Variants in MCTP1 observed in about 807,000 individuals in gnomAD.
MCTP1 encodes the protein multiple C2 and transmembrane domain containing 1, also known as multiple C2 and transmembrane domain-containing protein 1.
In MCTP1, 69 loss-of-function variants were observed where a neutral mutation model predicts 120.6. That is an observed-to-expected ratio of 0.57 (90% CI 0.47 to 0.70). MCTP1 has a LOEUF of 0.70. MCTP1 is among the 30% of genes least tolerant of loss of function. The pLI, the probability that MCTP1 is intolerant of heterozygous loss-of-function variation, is 0.00. For missense variants in MCTP1, 1,203 were observed against 1,248.8 expected, an observed-to-expected ratio of 0.96 and a Z score of 0.55; for synonymous variants, 529 against 493.1, an observed-to-expected ratio of 1.07 and a Z score of -0.96.
intron 2 of MCTP1, among the ~76,000 whole-genome samples, chr5:94,954,183 C>CAT (rs67189314): frequency 0.066 from 3,794 of 57,702 alleles, 772 homozygotes; most frequent in Non-Finnish European, 0.076. Flanking sequence ...TATATATATG[C>CAT]ATATATATAT....
At chr5:94,798,682 C>A (rs1486163168) in intron 18 of MCTP1, among the ~76,000 whole-genome samples, 1 of 152,098 alleles carries the variant, frequency 6.6e-6, no homozygotes, top group East Asian at 1.9e-4. Flanking sequence ...GACATTGTAT[C>A]TTAAATCAGG....
At chr5:94,781,926 C>T (rs1015872898) in intron 18 of MCTP1, among the ~76,000 whole-genome samples, 8 of 152,132 alleles carry the variant, frequency 5.3e-5, no homozygotes, top group African/African-American at 1.9e-4. Context: ...GAGGGCCTTT[C>T]CCCTCCTCCA....
rs150848615 is a variant in MCTP1, at chr5:94,961,018, A to G, written c.839-7657T>C. On this transcript the variant is annotated intron_variant, in intron 2 of 22. Transcript: ENST00000515393. Reference sequence around the variant, plus strand: ...TTCATGGTAGCAAAGACTTAGAACCAACCCAAATGTCCATCAATGATAGAC... The same window carrying G: ...TTCATGGTAGCAAAGACTTAGAACCGACCCAAATGTCCATCAATGATAGAC... Among the ~76,000 whole-genome samples the G allele has an allele frequency of 6.4e-3, 978 of 152,326 alleles. 9 individuals carry two copies. Among genetic ancestry groups the G allele is most frequent in the Non-Finnish European group, 9.4e-3 (638 of 68,028 alleles).
At chr5:95,016,830 G>T (rs1837208118) in intron 2 of MCTP1, among the ~76,000 whole-genome samples, 1 of 152,064 alleles carries the variant, frequency 6.6e-6, no homozygotes, top group Admixed American at 6.6e-5. Context: ...GGGAACTTAA[G>T]AGTATTTGCC....
intron 2 of MCTP1, among the ~76,000 whole-genome samples, chr5:94,981,276 A>G (rs1829353750): frequency 6.6e-6 from 1 of 152,146 alleles, no homozygotes; most frequent in African/African-American, 2.4e-5. Flanking sequence ...TTCCCAAGGG[A>G]CACACTCTTT....
intron 12 of MCTP1, among the ~76,000 whole-genome samples, chr5:94,883,569 A>C (rs190340188): frequency 6.6e-6 from 1 of 152,340 alleles, no homozygotes; most frequent in East Asian, 1.9e-4. Flanking sequence ...AAGGACTTCC[A>C]CTACATTTTA....
At chr5:94,714,443 G>T (rs1317167917) in intron 20 of MCTP1, among the ~76,000 whole-genome samples, 3 of 151,252 alleles carry the variant, frequency 2.0e-5, no homozygotes, top group Non-Finnish European at 4.4e-5. Context: ...CATTTAGCTT[G>T]GTTTATTTTT....
chr5:95,178,049 G>A (rs1224135631), intron 1 of MCTP1, among the ~76,000 whole-genome samples: 1 of 152,172 alleles, frequency 6.6e-6, no homozygotes, highest in African/African-American at 2.4e-5. Flanking sequence ...GGCTATGTGG[G>A]AACTGGGTGA....
chr5:95,015,422 A>G, intron 2 of MCTP1, among the ~76,000 whole-genome samples: 1 of 152,132 alleles, frequency 6.6e-6, no homozygotes, highest in South Asian at 2.1e-4. Context: ...TTAATTAAGA[A>G]AATTGACTCA....
At chr5:94,718,360 G>T (rs1192322087) in intron 19 of MCTP1, among the ~76,000 whole-genome samples, 1 of 152,058 alleles carries the variant, frequency 6.6e-6, no homozygotes, top group Non-Finnish European at 1.5e-5. Context: ...ACTCAAGATG[G>T]ACTAAAGACT....
intron 2 of MCTP1, among the ~76,000 whole-genome samples, chr5:94,977,174 C>G (rs1828306020): frequency 6.6e-6 from 1 of 151,972 alleles, no homozygotes; most frequent in African/African-American, 2.4e-5. Flanking sequence ...TATACACTAA[C>G]AATGAACTAT....
intron 2 of MCTP1, among the ~76,000 whole-genome samples, chr5:94,994,281 G>A (rs1832181602): frequency 6.6e-6 from 1 of 152,172 alleles, no homozygotes; most frequent in African/African-American, 2.4e-5. Context: ...GGAGCTCCAG[G>A]AAGAAGAGCC....
chr5:94,839,714 C>G (rs1006030275), intron 17 of MCTP1, among the ~76,000 whole-genome samples: 1 of 152,096 alleles, frequency 6.6e-6, no homozygotes, highest in East Asian at 1.9e-4. Context: ...CAAAGCAAAC[C>G]CAAACGATGG....
intron 17 of MCTP1, among the ~76,000 whole-genome samples, chr5:94,866,416 G>A (rs1173838022): frequency 3.3e-5 from 5 of 151,650 alleles, no homozygotes; most frequent in African/African-American, 4.8e-5. Flanking sequence ...TTTTTCCAGC[G>A]AAACACAGGT....
chr5:95,169,276 T>C (rs1301409239), intron 1 of MCTP1, among the ~76,000 whole-genome samples: 4 of 152,220 alleles, frequency 2.6e-5, no homozygotes, highest in African/African-American at 4.8e-5. Context: ...AGCTTTTCGA[T>C]GTGCTGCTGG....
At chr5:95,017,790 T>A (rs1433238259) in intron 1 of MCTP1, among the ~76,000 whole-genome samples, 1 of 152,064 alleles carries the variant, frequency 6.6e-6, no homozygotes. Context: ...AATATGAACA[T>A]AGAAATACTG....
At chr5:95,135,898 T>C (rs1019092884) in intron 1 of MCTP1, among the ~76,000 whole-genome samples, 5 of 152,226 alleles carry the variant, frequency 3.3e-5, no homozygotes, top group African/African-American at 4.8e-5. Flanking sequence ...TGGTTTATTG[T>C]TCCAAATCAG....
At chr5:94,727,986 T>G (rs1022718899) in intron 19 of MCTP1, among the ~76,000 whole-genome samples, 1 of 152,216 alleles carries the variant, frequency 6.6e-6, no homozygotes, top group Non-Finnish European at 1.5e-5. Context: ...ATTGATGCCA[T>G]ATGTAGCACA....
At chr5:94,854,740 A>G (rs1464199894) in intron 17 of MCTP1, among the ~76,000 whole-genome samples, 1 of 151,894 alleles carries the variant, frequency 6.6e-6, no homozygotes, top group Non-Finnish European at 1.5e-5. Context: ...TACTCAAAAC[A>G]TTCATCTTAC....
Sources: allele counts gnomAD v4.1 joint callset (sites outside exome capture counted in the v4.1 genomes callset), GRCh38; gene constraint gnomAD v4.1.1; transcripts MANE v1.5; gene names NCBI Gene and HGNC (gene_info 2026-07-23, HGNC 2026-07-21).